PRKCE: variants seen among roughly 807,000 people sequenced by gnomAD.
PRKCE encodes the protein protein kinase C epsilon type.
A neutral mutation model predicts 85.4 loss-of-function variants in PRKCE; 16 were observed. That is an observed-to-expected ratio of 0.19 (90% CI 0.13 to 0.28). The LOEUF is 0.28. Among genes scored for constraint, PRKCE ranks in the 10% least tolerant of loss-of-function variants. The probability of loss-of-function intolerance (pLI) is 1.00; values close to 1 mark genes in which losing one functional copy is unlikely to be tolerated. For synonymous variants in PRKCE, 388 were observed against 371.5 expected (o/e 1.04, Z -0.51); for missense variants, 573 against 975.2 (o/e 0.59, Z 5.49).
intron 10 of PRKCE, among the ~76,000 whole-genome samples, chr2:46,066,013 C>T (rs567996542): frequency 1.3e-5 from 2 of 152,232 alleles, no homozygotes; most frequent in Admixed American, 1.3e-4. Context: ...ATCCAGCATC[C>T]GTCAAGACTA....
chr2:46,091,905 G>C (rs1251909180), intron 11 of PRKCE, among the ~76,000 whole-genome samples: 1 of 152,160 alleles, frequency 6.6e-6, no homozygotes, highest in African/African-American at 2.4e-5. Flanking sequence ...CTTCCCTTCT[G>C]ATAAAATCGA....
chr2:45,900,100 GA>G (rs909353948), intron 2 of PRKCE, among the ~76,000 whole-genome samples: 1 of 152,120 alleles, frequency 6.6e-6, no homozygotes, highest in African/African-American at 2.4e-5. Flanking sequence ...AATGCAGTTG[GA>G]AAAAACCCAG....
chr2:45,668,607 G>A (rs1676020274), intron 1 of PRKCE, among the ~76,000 whole-genome samples: 1 of 151,990 alleles, frequency 6.6e-6, no homozygotes, highest in African/African-American at 2.4e-5. Context: ...AGCATTTATA[G>A]GCTAGCATAT....
chr2:46,147,500 G>A (rs1278393187), intron 12 of PRKCE, among the ~76,000 whole-genome samples: 1 of 152,198 alleles, frequency 6.6e-6, no homozygotes, highest in East Asian at 1.9e-4. Context: ...GTCCATTGGT[G>A]AGACTCACAA....
chr2:45,659,501 A>C lies in PRKCE; in HGVS notation c.348+7053A>C, dbSNP rs183533459. Among the ~76,000 whole-genome samples, 3 of 152,282 alleles carry C rather than the reference A, an allele frequency of 2.0e-5. No individual in the cohort carries two copies. The East Asian group carries it at 5.8e-4, about 29-fold the overall frequency. On this transcript the variant is annotated intron_variant, in intron 1 of 14. Coordinates refer to ENST00000306156, the MANE Select transcript of PRKCE (RefSeq NM_005400.3). The stretch of plus-strand genomic sequence containing the variant: ...GGCTTCTCAGCTCCTGTCTCTGCTC[A>C]CAGATCTCTCAGGTGAGATTATCCC...
intron 1 of PRKCE, among the ~76,000 whole-genome samples, chr2:45,669,955 G>C (rs1229548456): frequency 6.6e-6 from 1 of 152,188 alleles, no homozygotes; most frequent in Non-Finnish European, 1.5e-5. Flanking sequence ...AGGTTGCAGT[G>C]AGCTGAGATT....
chr2:45,884,976 TATATATATATATATA>T (rs1287263895), intron 2 of PRKCE, among the ~76,000 whole-genome samples: 2,805 of 69,156 alleles, frequency 0.041, 274 homozygotes, highest in East Asian at 0.34. Flanking sequence ...TATATATATA[TATATATATATATATA>T]TATATATATA....
At chr2:45,918,094 G>A (rs1558832519) in intron 2 of PRKCE, among the ~76,000 whole-genome samples, 1 of 152,258 alleles carries the variant, frequency 6.6e-6, no homozygotes, top group Non-Finnish European at 1.5e-5. Flanking sequence ...GCCGGCTCCG[G>A]CCTTGGCCAG....
intron 6 of PRKCE, among the ~76,000 whole-genome samples, chr2:45,985,520 T>A (rs947883714): frequency 6.6e-6 from 1 of 152,112 alleles, no homozygotes; most frequent in Non-Finnish European, 1.5e-5. Flanking sequence ...GAATGTATTA[T>A]TCATAAATTC....
rs1383488923 is a variant in PRKCE, at chr2:45,998,845, T to C, written c.824-2559T>C. On this transcript the variant is annotated intron_variant, in intron 6 of 14. Transcript: ENST00000306156. ...CTTAGCGTATCATTTATACTTTCTT[T>C]TTTACTTATTTTAGTGCTTGCTGTG... Among the ~76,000 whole-genome samples, 3 of 152,218 alleles carry C rather than the reference T, an allele frequency of 2.0e-5. No individual in the cohort carries two copies. In the East Asian group the frequency reaches 5.8e-4, roughly 29 times the overall value.
chr2:45,675,198 T>C (rs1430843572), intron 1 of PRKCE: 1 of 152,138 alleles, frequency 6.6e-6, no homozygotes, highest in Non-Finnish European at 1.5e-5. Flanking sequence ...AAGAAAACAC[T>C]CTGTAGATGT....
chr2:46,155,192 G>A lies in PRKCE; in HGVS notation c.1920+3963G>A, dbSNP rs1403655342. Among the ~76,000 whole-genome samples the A allele has an allele frequency of 6.6e-6, 1 of 152,114 alleles. No homozygotes were observed. The highest frequency in any genetic ancestry group is 1.5e-5 in the Non-Finnish European group (1 of 68,028). On this transcript the variant is annotated intron_variant, in intron 13 of 14. Transcript: ENST00000306156. The surrounding 1 kb of genome is among the most constrained non-coding windows in gnomAD (Gnocchi z 4.7). ...CTTTCCAAGAGAAGCACGAAATCCAGATTTTTATGTAAAAATCTCGAAACA... is the reference window on the plus strand; with the variant it reads ...CTTTCCAAGAGAAGCACGAAATCCAAATTTTTATGTAAAAATCTCGAAACA...
intron 2 of PRKCE, among the ~76,000 whole-genome samples, chr2:45,933,278 G>A (rs1167316780): frequency 3.3e-5 from 5 of 152,116 alleles, no homozygotes; most frequent in African/African-American, 4.8e-5. Flanking sequence ...TTACCTTGTA[G>A]TTCCTTAAGA....
At chr2:45,806,597 T>C (rs1688261313) in intron 1 of PRKCE, among the ~76,000 whole-genome samples, 2 of 152,188 alleles carry the variant, frequency 1.3e-5, no homozygotes, top group African/African-American at 4.8e-5. Flanking sequence ...TCCCCTCTCC[T>C]CATAAGCACA....
intron 10 of PRKCE, among the ~76,000 whole-genome samples, chr2:46,082,986 C>T (rs1011969718): frequency 2.6e-5 from 4 of 152,248 alleles, no homozygotes; most frequent in Admixed American, 2.6e-4. Flanking sequence ...TTCTCTCTGT[C>T]ACCCAGGCTG....
intron 14 of PRKCE, among the ~76,000 whole-genome samples, chr2:46,166,191 G>A (rs1387123123): frequency 2.0e-5 from 3 of 152,224 alleles, no homozygotes; most frequent in East Asian, 1.9e-4. Context: ...CCAACTTAGC[G>A]ACCTGAGGAG....
intron 14 of PRKCE, among the ~76,000 whole-genome samples, chr2:46,174,285 C>A (rs1047580329): frequency 2.8e-4 from 42 of 152,350 alleles, no homozygotes; most frequent in Middle Eastern, 6.8e-3. Context: ...CCCATTTTAA[C>A]TGCCATCTGT....
At chr2:45,830,014 A>G (rs530301630) in intron 1 of PRKCE, among the ~76,000 whole-genome samples, 1 of 145,854 alleles carries the variant, frequency 6.9e-6, no homozygotes, top group African/African-American at 2.6e-5. Flanking sequence ...CGGAGCTTGC[A>G]GTGAGCCGAG....
At chr2:45,859,864 A>C (rs1693001893) in intron 2 of PRKCE, among the ~76,000 whole-genome samples, 1 of 152,188 alleles carries the variant, frequency 6.6e-6, no homozygotes, top group South Asian at 2.1e-4. Context: ...CTAACTCAAT[A>C]GGTGGCAGTG....
Sources: allele counts gnomAD v4.1 joint callset (sites outside exome capture counted in the v4.1 genomes callset), GRCh38; gene constraint gnomAD v4.1.1; non-coding constraint Gnocchi (gnomAD v3.1); transcripts MANE v1.5; gene names NCBI Gene and HGNC (gene_info 2026-07-23, HGNC 2026-07-21).